Variants in PSMD4 observed in about 807,000 individuals in gnomAD.
PSMD4 encodes 26S proteasome non-ATPase regulatory subunit 4.
Under a neutral mutation model 39.7 loss-of-function variants are expected in PSMD4, and 5 were observed. The ratio of observed to expected loss-of-function variants is 0.13; its 90% confidence interval spans 0.07 to 0.26. The LOEUF is 0.26. Ranked by LOEUF, PSMD4 falls within the 10% of genes least tolerant of loss-of-function variation. The probability of loss-of-function intolerance (pLI) is 1.00; values close to 1 mark genes in which losing one functional copy is unlikely to be tolerated. For missense variants in PSMD4, 272 were observed against 486.1 expected, an observed-to-expected ratio of 0.56 and a Z score of 4.14; for synonymous variants, 143 against 174.6, an observed-to-expected ratio of 0.82 and a Z score of 1.43.
chr1:151,266,186 G>A, intron 7 of PSMD4, 74 bp downstream of exon 7: 2 of 1,589,716 alleles, frequency 1.3e-6, no homozygotes, highest in African/African-American at 1.3e-5. Flanking sequence ...GGCACTGCAG[G>A]GAGAGTGTGG....
At position 151,267,415 on chromosome 1, in the gene PSMD4, G is replaced by T. The variant is rs1693478648; in HGVS notation, c.*72G>T. ...AAGCACGGAATATAGGGTTAGATGT[G>T]TGTTATCTGTAACCATTACAGCCTA... On this transcript the variant is annotated 3_prime_UTR_variant, in exon 10 of 10. Coordinates refer to ENST00000368884, the MANE Select transcript of PSMD4 (RefSeq NM_002810.4). 8 of 1,508,332 alleles carry T rather than the reference G, an allele frequency of 5.3e-6. No homozygotes were observed. Among genetic ancestry groups the T allele is most frequent in the African/African-American group, 1.4e-5 (1 of 71,762 alleles). The allele number at this position is 1,508,332 out of a possible 1,614,324, so 93.4% of individuals were successfully genotyped here. A position where few individuals can be genotyped will look rare whatever the true frequency, so the allele number is the denominator to read the frequency against.
Position 151,265,630 on chromosome 1 carries a change from G to A in PSMD4, c.654+21G>A, listed in dbSNP as rs79499860. ...CCTTGGTGAGCAAATGTTGACCCCA[G>A]GTAGAGTCCAAAGGTCCCTCTTTGT... On this transcript the variant is annotated intron_variant, in intron 6 of 9. Transcript: ENST00000368884. 1.5e-3 allele frequency: 2,362 copies of A among 1,609,358 alleles called. 33 individuals are homozygous for A. The African/African-American group carries it at 0.027, about 18-fold the overall frequency.
intron 1 of PSMD4, among the ~76,000 whole-genome samples, chr1:151,259,532 CCAAA>C (rs1693268385): frequency 7.5e-6 from 1 of 133,506 alleles, no homozygotes. Flanking sequence ...TGGTTTATTG[CCAAA>C]CAAAGCATAC....
intron 2 of PSMD4, among the ~76,000 whole-genome samples, chr1:151,263,426 G>A (rs954559223): frequency 6.6e-6 from 1 of 151,538 alleles, no homozygotes; most frequent in Non-Finnish European, 1.5e-5. Context: ...ATTCGCCACT[G>A]CACGCCAGCC....
chr1:151,258,482 A>G (rs1431626035), intron 1 of PSMD4, among the ~76,000 whole-genome samples: 988 of 97,592 alleles, frequency 0.01, 28 homozygotes, highest in African/African-American at 0.04. Context: ...TTTGGGGGAG[A>G]CAGGGTCTCA....
chr1:151,266,622 T>G (rs1321762358), intron 9 of PSMD4, 35 bp downstream of exon 9: 1 of 1,608,294 alleles, frequency 6.2e-7, no homozygotes, highest in Non-Finnish European at 8.5e-7. Context: ...AGGTTTAAAG[T>G]CCTTGAATTT....
At chr1:151,258,334 T>A (rs1200968032) in intron 1 of PSMD4, among the ~76,000 whole-genome samples, 1 of 151,576 alleles carries the variant, frequency 6.6e-6, no homozygotes, top group Non-Finnish European at 1.5e-5. Flanking sequence ...AGCCAAGGTA[T>A]TTTATTCTTT....
chr1:151,260,985 A>G (rs1324133708), intron 1 of PSMD4, among the ~76,000 whole-genome samples: 1 of 151,358 alleles, frequency 6.6e-6, no homozygotes, highest in African/African-American at 2.4e-5. Flanking sequence ...AGCTAGGACT[A>G]CAAGTGTGCG....
chr1:151,264,416 G>A (rs377265902), intron 3 of PSMD4, among the ~76,000 whole-genome samples: 7 of 151,804 alleles, frequency 4.6e-5, no homozygotes, highest in African/African-American at 1.7e-4. Context: ...AACACGGGCA[G>A]ATCACCTGAC....
intron 1 of PSMD4, 76 bp from the exon 2 acceptor site, chr1:151,262,085 G>A: frequency 6.6e-7 from 1 of 1,526,286 alleles, no homozygotes; most frequent in East Asian, 2.3e-5. Context: ...GCTATAGGGG[G>A]CCTCTGGAAC....
At position 151,264,231 on chromosome 1, in the gene PSMD4, G is replaced by A. The variant is rs986954837; in HGVS notation, c.282+203G>A. ...CTAGAATTGAGAATTAAGGCTGGGC[G>A]TGGTAGTTCATGCCTGTAATCCCAT... On this transcript the variant is annotated intron_variant, in intron 3 of 9. Coordinates refer to ENST00000368884, the MANE Select transcript of PSMD4 (RefSeq NM_002810.4). Among the ~76,000 whole-genome samples the A allele has an allele frequency of 4.6e-5, 7 of 152,094 alleles. 1 individual carries two copies. The highest frequency in any genetic ancestry group is 1.4e-4 in the African/African-American group (6 of 41,394).
intron 9 of PSMD4, chr1:151,266,931 TCTC>T (rs1205559789): frequency 1.4e-6 from 1 of 709,286 alleles, no homozygotes; most frequent in East Asian, 2.8e-5. Flanking sequence ...CATCTGTTTT[TCTC>T]CTCAGAGCTC....
Position 151,266,587 on chromosome 1 carries a change from G to A in PSMD4, c.963G>A (p.Lys321=). Residue 321 remains lysine, a splice_region_variant and synonymous_variant, in exon 9 of 10, where the codon AAG becomes AAA. Coordinates refer to ENST00000368884, the MANE Select transcript of PSMD4 (RefSeq NM_002810.4). The stretch of plus-strand genomic sequence containing the variant: ...CTATGGACACATCTGAGCCAGCCAA[G>A]GTGAGACCCAACCCTGCCCCCATCA... ...SSAMDTSEPA[K]EEDDYDVMQD... 1.9e-6 allele frequency: 3 copies of A among 1,614,146 alleles called. No homozygotes were observed. The highest frequency in any genetic ancestry group is 2.5e-6 in the Non-Finnish European group (3 of 1,180,002).
chr1:151,261,316 C>G (rs1693314669), intron 1 of PSMD4, among the ~76,000 whole-genome samples: 1 of 151,376 alleles, frequency 6.6e-6, no homozygotes, highest in Admixed American at 6.6e-5. Context: ...GCTGGGATTA[C>G]AGGCATGTGC....
At chr1:151,257,019 C>T (rs1389695410) in intron 1 of PSMD4, among the ~76,000 whole-genome samples, 2 of 150,612 alleles carry the variant, frequency 1.3e-5, no homozygotes, top group East Asian at 3.9e-4. Flanking sequence ...AAAGTGCTGG[C>T]ATTATAGGCG....
chr1:151,266,811 G>A (rs1693459808), intron 9 of PSMD4: 1 of 738,242 alleles, frequency 1.4e-6, no homozygotes, highest in African/African-American at 1.8e-5. Flanking sequence ...GCTGGTGGGA[G>A]CAGCCTGGGC....
intron 1 of PSMD4, among the ~76,000 whole-genome samples, chr1:151,260,477 CGTTCA>C (rs1693289804): frequency 6.6e-6 from 1 of 152,122 alleles, no homozygotes; most frequent in African/African-American, 2.4e-5. Context: ...TCATTTTTAC[CGTTCA>C]GTTCAGCTGT....
At chr1:151,266,815 C>T (rs1693459983) in intron 9 of PSMD4, 4 of 744,470 alleles carry the variant, frequency 5.4e-6, no homozygotes, top group South Asian at 4.7e-5. Flanking sequence ...GTGGGAGCAG[C>T]CTGGGCAGTT....
chr1:151,255,866 A>C (rs137877353), intron 1 of PSMD4, among the ~76,000 whole-genome samples: 1 of 152,024 alleles, frequency 6.6e-6, no homozygotes. Context: ...TGCACCAACG[A>C]TAGAACAGTG....
Sources: allele counts gnomAD v4.1 joint callset (sites outside exome capture counted in the v4.1 genomes callset), GRCh38; gene constraint gnomAD v4.1.1; transcripts MANE v1.5; gene names NCBI Gene and HGNC (gene_info 2026-07-23, HGNC 2026-07-21).